RTN4: variants seen among roughly 807,000 people sequenced by gnomAD.
The protein encoded by RTN4 is reticulon 4, also known as reticulon-4.
RTN4 carries 32 observed loss-of-function variants against 90.4 expected under a neutral mutation model. That is an observed-to-expected ratio of 0.35 (90% CI 0.27 to 0.48). The LOEUF (loss-of-function observed/expected upper bound fraction) is 0.48. Ranked by LOEUF, RTN4 falls within the 20% of genes least tolerant of loss-of-function variation. RTN4 has a pLI of 0.99. For synonymous variants in RTN4, 629 were observed against 552.5 expected, an observed-to-expected ratio of 1.14 and a Z score of -1.94; for missense variants, 1,706 against 1,430.2, an observed-to-expected ratio of 1.19 and a Z score of -3.11.
chr2:55,129,851 G>A, the RTN4 span, among the ~76,000 whole-genome samples: 3 of 152,110 alleles, frequency 2.0e-5, no homozygotes, highest in African/African-American at 4.8e-5. Context: ...GTGAGCCACC[G>A]TGCCCGGTCA....
Position 55,027,154 on chromosome 2 carries a change from T to A in RTN4, c.945A>T (p.Ile315=). The change falls in exon 3 of 9, where the codon ATA becomes ATT. Residue 315 remains isoleucine, a synonymous_variant. Transcript: ENST00000337526. Reference sequence around the variant, plus strand: ...TTATTTCTTCCCTAGGATTTGCTACTATTACGGCAGATTCTGCTTTTGGAG... The same window carrying A: ...TTATTTCTTCCCTAGGATTTGCTACAATTACGGCAGATTCTGCTTTTGGAG... The part of the protein sequence containing the change: ...SVSPKAESAV[I]VANPREEIIV... 1 of 1,613,684 alleles carries A rather than the reference T, an allele frequency of 6.2e-7. No homozygotes were observed. The highest frequency in any genetic ancestry group is 8.5e-7 in the Non-Finnish European group (1 of 1,179,828).
intron 5 of RTN4, among the ~76,000 whole-genome samples, chr2:54,975,230 A>G (rs961504121): frequency 6.6e-6 from 1 of 152,250 alleles, no homozygotes; most frequent in Non-Finnish European, 1.5e-5. Flanking sequence ...CAGGGAAATT[A>G]CGTTTCAGGT....
intron 1 of RTN4, among the ~76,000 whole-genome samples, chr2:55,043,406 T>C (rs1025512155): frequency 1.3e-5 from 2 of 152,144 alleles, no homozygotes; most frequent in African/African-American, 2.4e-5. Context: ...AAAGGAACCA[T>C]TAAATTGAGG....
intron 1 of RTN4, 199 bp downstream of exon 1, chr2:55,049,546 A>G (rs1016930844): frequency 1.4e-5 from 12 of 852,514 alleles, no homozygotes; most frequent in Admixed American, 1.1e-4. Flanking sequence ...AAGACGGACA[A>G]TAAGAACAAA....
At chr2:55,059,029 G>A (rs1465278489) in intron 2 of RTN4, among the ~76,000 whole-genome samples, 2 of 152,078 alleles carry the variant, frequency 1.3e-5, no homozygotes, top group Non-Finnish European at 2.9e-5. Context: ...CTTTCAGAAG[G>A]TAGTGTGATA....
intron 2 of RTN4, among the ~76,000 whole-genome samples, chr2:55,067,988 T>C (rs1375180507): frequency 2.0e-5 from 3 of 152,252 alleles, no homozygotes; most frequent in Admixed American, 6.5e-5. Context: ...CCTTAAAGTC[T>C]AGCTTAATAT....
intron 3 of RTN4, among the ~76,000 whole-genome samples, chr2:54,996,966 G>A (rs1193753410): frequency 6.6e-6 from 1 of 152,054 alleles, no homozygotes; most frequent in Admixed American, 6.6e-5. Flanking sequence ...CATGACTTTG[G>A]ATTAGGCAAT....
the RTN4 span, among the ~76,000 whole-genome samples, chr2:55,127,514 T>C: frequency 6.6e-6 from 1 of 152,226 alleles, no homozygotes; most frequent in African/African-American, 2.4e-5. Flanking sequence ...CCATATCCTC[T>C]TCTTCATGTG....
At chr2:55,008,491 A>T (rs1680398727) in intron 3 of RTN4, among the ~76,000 whole-genome samples, 1 of 152,158 alleles carries the variant, frequency 6.6e-6, no homozygotes, top group Non-Finnish European at 1.5e-5. Flanking sequence ...CTGACTCAGA[A>T]AAACAGGCAA....
intron 2 of RTN4, among the ~76,000 whole-genome samples, chr2:55,078,173 T>A (rs182167895): frequency 6.6e-6 from 1 of 152,086 alleles, no homozygotes; most frequent in South Asian, 2.1e-4. Context: ...AAAAAACCTA[T>A]TGAAATAAAA....
At chr2:55,094,104 G>A (rs931701670) in intron 1 of RTN4, among the ~76,000 whole-genome samples, 1 of 152,194 alleles carries the variant, frequency 6.6e-6, no homozygotes, top group African/African-American at 2.4e-5. Context: ...CACCCTCAGT[G>A]TGATGGTATT....
At chr2:54,998,858 C>A (rs560458001) in intron 3 of RTN4, among the ~76,000 whole-genome samples, 1 of 152,076 alleles carries the variant, frequency 6.6e-6, no homozygotes, top group Non-Finnish European at 1.5e-5. Flanking sequence ...AAAATTAAGA[C>A]AAAGAGTTTA....
chr2:54,973,600 C>A lies in RTN4; in HGVS notation c.3499G>T (p.Gly1167Ter). The change falls in exon 8 of 9, where the codon GGA (glycine) becomes TGA (stop). Residue 1167 changes from glycine to a stop codon, truncating the protein, a stop_gained. Transcript: ENST00000337526. LOFTEE classifies it high-confidence loss of function. ...TCTTTAACATTCTTATTTGCAAGTC[C>A]TAGATAATGATCTATCTGTGCCTGA... ...RHQAQIDHYL[G>*]LANKNVKDAM... 1 of 1,610,674 alleles carries A rather than the reference C, an allele frequency of 6.2e-7. No homozygotes were observed. Among genetic ancestry groups the A allele is most frequent in the Non-Finnish European group, 8.5e-7 (1 of 1,177,028 alleles).
Position 55,005,561 on chromosome 2 carries a change from G to A in RTN4, c.3014-17863C>T, listed in dbSNP as rs76668776. ...TCTGGAAAGCAGTTTTGTAAAAGGC[G>A]CCCAAAGCCTAAATAACATAACCCA... is the stretch of plus-strand genomic sequence containing the variant. On this transcript the variant is annotated intron_variant, in intron 3 of 8. Coordinates refer to ENST00000337526, the MANE Select transcript of RTN4 (RefSeq NM_020532.5). Among the ~76,000 whole-genome samples, 725 of 152,200 alleles carry A rather than the reference G, an allele frequency of 4.8e-3. 3 individuals are homozygous for A. Among genetic ancestry groups the A allele is most frequent in the African/African-American group, 0.016 (674 of 41,528 alleles).
chr2:55,093,864 C>G (rs1401888715), intron 1 of RTN4, among the ~76,000 whole-genome samples: 1 of 151,906 alleles, frequency 6.6e-6, no homozygotes, highest in Non-Finnish European at 1.5e-5. Context: ...TTTGCTTTTT[C>G]TAAGGGAAAT....
intron 1 of RTN4, among the ~76,000 whole-genome samples, chr2:55,085,385 T>A (rs1459232612): frequency 2.0e-5 from 3 of 152,028 alleles, no homozygotes; most frequent in African/African-American, 7.2e-5. Flanking sequence ...TTGTGGGAGC[T>A]AGCAAGTCCA....
At chr2:55,072,826 T>C (rs1668539665) in intron 2 of RTN4, among the ~76,000 whole-genome samples, 2 of 152,236 alleles carry the variant, frequency 1.3e-5, no homozygotes, top group South Asian at 2.1e-4. Flanking sequence ...TTTTCTGCCA[T>C]CTTTTACAGG....
intron 1 of RTN4, among the ~76,000 whole-genome samples, chr2:55,089,823 C>T (rs947665545): frequency 3.3e-5 from 5 of 152,180 alleles, no homozygotes; most frequent in Non-Finnish European, 7.3e-5. Flanking sequence ...CTCTCCTTGT[C>T]ACTGGCCTCT....
At chr2:54,974,594 C>T (rs1056623009) in intron 6 of RTN4, 101 bp downstream of exon 6, 5 of 1,032,132 alleles carry the variant, frequency 4.8e-6, no homozygotes, top group African/African-American at 4.8e-5. Context: ...ATTTTCATCC[C>T]CTACTTTTCA....
Sources: gnomAD v4.1 joint callset for allele counts (sites outside exome capture counted in the v4.1 genomes callset) on GRCh38, gnomAD v4.1.1 for gene constraint, MANE v1.5 for transcripts, NCBI Gene and HGNC (gene_info 2026-07-23, HGNC 2026-07-21) for gene names.